The following NKAIN3 variants were observed in gnomAD, a reference collection of about 807,000 sequenced individuals.
NKAIN3 encodes sodium/potassium-transporting ATPase subunit beta-1-interacting protein 3.
Under a neutral mutation model 30.2 loss-of-function variants are expected in NKAIN3, and 25 were observed. That is an observed-to-expected ratio of 0.83 (90% CI 0.60 to 1.16). The LOEUF is 1.16. Ranked by LOEUF, NKAIN3 falls within the 50% of genes most tolerant of loss-of-function variation. The pLI, the probability that NKAIN3 is intolerant of heterozygous loss-of-function variation, is 0.00. For synonymous variants in NKAIN3, 91 were observed against 89.6 expected (o/e 1.02, Z -0.09); for missense variants, 225 against 254.1 (o/e 0.89, Z 0.78).
intron 1 of NKAIN3, among the ~76,000 whole-genome samples, chr8:62,358,977 T>C (rs2129592325): frequency 6.6e-6 from 1 of 152,160 alleles, no homozygotes; most frequent in African/African-American, 2.4e-5. Flanking sequence ...GTCAGGAGAT[T>C]GAGACCATCC....
At chr8:62,750,269 C>A (rs948335584) in intron 4 of NKAIN3, among the ~76,000 whole-genome samples, 1 of 151,816 alleles carries the variant, frequency 6.6e-6, no homozygotes, top group African/African-American at 2.4e-5. Flanking sequence ...TTTCGGGGAG[C>A]GACTCTCCAC....
intron 1 of NKAIN3, among the ~76,000 whole-genome samples, chr8:62,381,550 T>A (rs1366468799): frequency 6.6e-6 from 1 of 151,932 alleles, no homozygotes; most frequent in East Asian, 1.9e-4. Context: ...ACAAGGCAAT[T>A]AGGTGGTGTT....
chr8:62,636,075 G>C (rs1812118165), intron 3 of NKAIN3, among the ~76,000 whole-genome samples: 1 of 152,164 alleles, frequency 6.6e-6, no homozygotes, highest in African/African-American at 2.4e-5. Flanking sequence ...AGTGATGGTA[G>C]CTGAAGATGA....
intron 1 of NKAIN3, among the ~76,000 whole-genome samples, chr8:62,498,415 T>A (rs1157517401): frequency 6.6e-6 from 1 of 152,100 alleles, no homozygotes; most frequent in African/African-American, 2.4e-5. Context: ...AGCTCCACCC[T>A]CTCTGACACA....
At chr8:62,485,886 C>T (rs908158030) in intron 1 of NKAIN3, among the ~76,000 whole-genome samples, 1 of 152,162 alleles carries the variant, frequency 6.6e-6, no homozygotes, top group Admixed American at 6.5e-5. Flanking sequence ...AGAAGATTGA[C>T]AGTGCATAAA....
intron 3 of NKAIN3, among the ~76,000 whole-genome samples, chr8:62,728,998 C>CAA (rs1267245510): frequency 2.1e-4 from 5 of 23,648 alleles, no homozygotes; most frequent in African/African-American, 7.7e-4. Context: ...TCAAACAAAA[C>CAA]AAAAAACAAA....
intron 1 of NKAIN3, among the ~76,000 whole-genome samples, chr8:62,321,526 T>C (rs995654462): frequency 6.6e-6 from 1 of 152,206 alleles, no homozygotes; most frequent in Non-Finnish European, 1.5e-5. Context: ...GTCCTTTCTG[T>C]TTGTTAGTTT....
rs1329057015 is a variant in NKAIN3, at chr8:62,975,409, G to T, written c.*10002G>T. Among the ~76,000 whole-genome samples, 1 of 152,086 alleles carries T rather than the reference G, an allele frequency of 6.6e-6. No homozygotes were observed. The highest frequency in any genetic ancestry group is 1.5e-5 in the Non-Finnish European group (1 of 68,012). On this transcript the variant is annotated 3_prime_UTR_variant, in exon 7 of 7. Coordinates refer to ENST00000623646, the MANE Select transcript of NKAIN3 (RefSeq NM_001304533.3). ...AGTCATGGTAGGGTGAATGTGTCCA[G>T]GAATTTATCCATTTCTTCTAAATTT...
intron 3 of NKAIN3, among the ~76,000 whole-genome samples, chr8:62,729,258 C>G (rs1288846531): frequency 1.3e-5 from 2 of 152,026 alleles, no homozygotes; most frequent in Non-Finnish European, 2.9e-5. Flanking sequence ...TGGAAAAAAG[C>G]ACATGATAAT....
At chr8:62,281,502 T>C (rs1813192333) in intron 1 of NKAIN3, among the ~76,000 whole-genome samples, 1 of 152,210 alleles carries the variant, frequency 6.6e-6, no homozygotes, top group South Asian at 2.1e-4. Flanking sequence ...TGCTTTCTCT[T>C]GTGGGCATTT....
intron 3 of NKAIN3, among the ~76,000 whole-genome samples, chr8:62,724,824 G>A (rs1232413510): frequency 6.6e-6 from 1 of 152,128 alleles, no homozygotes; most frequent in Admixed American, 6.5e-5. Context: ...ATTGTGAAGA[G>A]TGCTGCAATA....
chr8:62,907,873 T>C lies in NKAIN3; in HGVS notation c.472-10580T>C, dbSNP rs374393676. ...TGCAGTGCACAAGGGAAATGTGCAG[T>C]GGGAATCCCCACACAGAGTCACCAC... On this transcript the variant is annotated intron_variant, in intron 4 of 6. Transcript: ENST00000623646. Among the ~76,000 whole-genome samples the C allele has an allele frequency of 1.6e-4, 25 of 152,268 alleles. No homozygotes were observed. The East Asian group carries it at 4.4e-3, about 27-fold the overall frequency.
At chr8:62,280,043 ATT>A (rs1813121023) in intron 1 of NKAIN3, among the ~76,000 whole-genome samples, 1 of 151,912 alleles carries the variant, frequency 6.6e-6, no homozygotes, top group African/African-American at 2.4e-5. Flanking sequence ...GTCCTCTTTT[ATT>A]TCGTGGAGCA....
At chr8:62,883,919 T>C (rs1048157007) in intron 4 of NKAIN3, among the ~76,000 whole-genome samples, 2 of 152,192 alleles carry the variant, frequency 1.3e-5, no homozygotes, top group Non-Finnish European at 2.9e-5. Context: ...TTTGTAATTA[T>C]AAATGGGTAT....
intron 4 of NKAIN3, among the ~76,000 whole-genome samples, chr8:62,821,001 G>A (rs1818831953): frequency 6.6e-6 from 1 of 152,086 alleles, no homozygotes; most frequent in African/African-American, 2.4e-5. Flanking sequence ...TTTAATTAAT[G>A]CTGATTGCAT....
rs1474947902 is a variant in NKAIN3 at position 62,982,639 on chromosome 8, G to A, written c.*17232G>A. 1 of 152,178 alleles carries A rather than the reference G, an allele frequency of 6.6e-6. No individual in the cohort carries two copies. Among genetic ancestry groups the A allele is most frequent in the African/African-American group, 2.4e-5 (1 of 41,440 alleles). The allele number at this position is 152,178 out of a possible 1,614,324, so 9.4% of individuals were successfully genotyped here. ...TTCAAGATTGTGAGTCCTGACATGA[G>A]TTCTCTAGAATTTTCCCCTTTGATA... On this transcript the variant is annotated 3_prime_UTR_variant, in exon 7 of 7. Transcript: ENST00000623646.
intron 1 of NKAIN3, among the ~76,000 whole-genome samples, chr8:62,295,793 AATTAT>A (rs1813807356): frequency 1.3e-5 from 2 of 152,054 alleles, no homozygotes; most frequent in Admixed American, 1.3e-4. Context: ...TTAATTAATT[AATTAT>A]ATTTGTTTGT....
At chr8:62,782,200 C>CA (rs909222619) in intron 4 of NKAIN3, among the ~76,000 whole-genome samples, 51 of 148,504 alleles carry the variant, frequency 3.4e-4, no homozygotes, top group East Asian at 7.9e-4. Flanking sequence ...CAGAGAAATG[C>CA]AAAAAAAAAC....
At chr8:62,300,806 C>T (rs780957266) in intron 1 of NKAIN3, among the ~76,000 whole-genome samples, 47 of 152,146 alleles carry the variant, frequency 3.1e-4, no homozygotes, top group Non-Finnish European at 6.0e-4. Flanking sequence ...TGGGAGCACA[C>T]TGAGTGTTTT....
Sources: gnomAD v4.1 joint callset for allele counts (sites outside exome capture counted in the v4.1 genomes callset) on GRCh38, gnomAD v4.1.1 for gene constraint, MANE v1.5 for transcripts, NCBI Gene and HGNC (gene_info 2026-07-23, HGNC 2026-07-21) for gene names.